The following PTPRD variants were observed in gnomAD, a reference collection of about 807,000 sequenced individuals.
The protein encoded by PTPRD is protein tyrosine phosphatase receptor type D.
PTPRD carries 34 observed loss-of-function variants against 214.5 expected under a neutral mutation model. The observed-to-expected ratio is 0.16, with a 90% confidence interval of 0.12 to 0.21. The LOEUF (loss-of-function observed/expected upper bound fraction) is 0.21. Among genes scored for constraint, PTPRD ranks in the 10% least tolerant of loss-of-function variants. The pLI is 1.00. For missense variants in PTPRD, 2,545 were observed against 2,398.7 expected, an observed-to-expected ratio of 1.06 and a Z score of -1.27; for synonymous variants, 1,128 against 845.7, an observed-to-expected ratio of 1.33 and a Z score of -5.79.
intron 5 of PTPRD, among the ~76,000 whole-genome samples, chr9:9,862,732 G>A (rs182492559): frequency 1.5e-4 from 22 of 150,654 alleles, no homozygotes; most frequent in East Asian, 1.2e-3. Flanking sequence ...TGGGGGGCGG[G>A]GGGGGGAGTA....
chr9:10,151,160 A>G (rs377422141), intron 3 of PTPRD, among the ~76,000 whole-genome samples: 1 of 147,560 alleles, frequency 6.8e-6, no homozygotes, highest in Non-Finnish European at 1.5e-5. Context: ...TCTGGAGTTC[A>G]AGCGATTCTC....
intron 5 of PTPRD, among the ~76,000 whole-genome samples, chr9:9,808,327 C>T (rs2046076738): frequency 6.6e-6 from 1 of 152,160 alleles, no homozygotes; most frequent in Non-Finnish European, 1.5e-5. Flanking sequence ...TCTTGCCCAC[C>T]TCCACCTGAA....
intron 7 of PTPRD, among the ~76,000 whole-genome samples, chr9:9,701,985 G>A (rs896566899): frequency 1.3e-5 from 2 of 152,016 alleles, no homozygotes; most frequent in South Asian, 2.1e-4. Context: ...CAGGCATGGT[G>A]GTGCATGCCT....
chr9:10,179,678 A>T (rs2099270512), intron 3 of PTPRD, among the ~76,000 whole-genome samples: 1 of 152,030 alleles, frequency 6.6e-6, no homozygotes, highest in African/African-American at 2.4e-5. Context: ...TCACCCATTC[A>T]ATCCTCACTA....
chr9:10,074,604 T>C (rs927172466), intron 3 of PTPRD, among the ~76,000 whole-genome samples: 3 of 152,156 alleles, frequency 2.0e-5, no homozygotes, highest in African/African-American at 7.2e-5. Context: ...TGATGCTTTC[T>C]CTGATCCCAC....
intron 33 of PTPRD, among the ~76,000 whole-genome samples, chr9:8,459,374 G>A (rs1479039917): frequency 6.6e-6 from 1 of 151,698 alleles, no homozygotes; most frequent in Admixed American, 6.6e-5. Flanking sequence ...CACACCACAA[G>A]GAAAACGAGA....
At chr9:9,169,159 G>A (rs2099909711) in intron 10 of PTPRD, among the ~76,000 whole-genome samples, 2 of 151,824 alleles carry the variant, frequency 1.3e-5, no homozygotes, top group Non-Finnish European at 2.9e-5. Context: ...ATCTTATAGA[G>A]CCTCTTTTTG....
At chr9:9,989,887 C>T (rs2095853731) in intron 4 of PTPRD, among the ~76,000 whole-genome samples, 1 of 152,170 alleles carries the variant, frequency 6.6e-6, no homozygotes, top group South Asian at 2.1e-4. Flanking sequence ...GCTCCCTGCA[C>T]CCTCCCCGCT....
intron 7 of PTPRD, among the ~76,000 whole-genome samples, chr9:9,634,740 T>TTG (rs1245157854): frequency 2.6e-5 from 4 of 152,198 alleles, no homozygotes; most frequent in African/African-American, 9.6e-5. Flanking sequence ...TTTCTGTGCA[T>TTG]ACTACGTATA....
At chr9:10,142,159 A>G (rs2098990343) in intron 3 of PTPRD, among the ~76,000 whole-genome samples, 2 of 152,022 alleles carry the variant, frequency 1.3e-5, no homozygotes, top group South Asian at 4.1e-4. Flanking sequence ...TAGACCTAAA[A>G]CCATAAAAAC....
chr9:8,613,944 C>G (rs1363014244), intron 14 of PTPRD, among the ~76,000 whole-genome samples: 6 of 151,574 alleles, frequency 4.0e-5, no homozygotes, highest in African/African-American at 1.4e-4. Context: ...TATCGCTATT[C>G]TTGCAGTTTT....
chr9:9,581,394 C>G (rs1430811316), intron 7 of PTPRD, among the ~76,000 whole-genome samples: 1 of 152,028 alleles, frequency 6.6e-6, no homozygotes, highest in African/African-American at 2.4e-5. Flanking sequence ...ACCAGATAAC[C>G]TTCTATCCAT....
intron 3 of PTPRD, among the ~76,000 whole-genome samples, chr9:10,187,925 A>G (rs1207347532): frequency 6.6e-6 from 1 of 152,166 alleles, no homozygotes; most frequent in Non-Finnish European, 1.5e-5. Context: ...TCCACTTGTC[A>G]AAAATTGGCA....
At chr9:10,364,015 T>TTTTTTTTTGAGATGGAGTC (rs1432443643) in intron 2 of PTPRD, among the ~76,000 whole-genome samples, 2 of 142,314 alleles carry the variant, frequency 1.4e-5, no homozygotes, top group Admixed American at 7.1e-5. Flanking sequence ...TTTTTTTTTT[T>TTTTTTTTTGAGATGGAGTC]TTGAGATGGA....
chr9:10,099,675 T>C (rs2154211786), intron 3 of PTPRD, among the ~76,000 whole-genome samples: 1 of 151,884 alleles, frequency 6.6e-6, no homozygotes, highest in Middle Eastern at 3.4e-3. Context: ...CAAGTTAAAA[T>C]GATCTCACAG....
chr9:10,111,481 G>A (rs569243422), intron 3 of PTPRD, among the ~76,000 whole-genome samples: 2 of 151,600 alleles, frequency 1.3e-5, no homozygotes, highest in Admixed American at 6.6e-5. Context: ...CTCGTGATCC[G>A]CCCGCCTCGG....
chr9:9,682,038 C>T (rs1337216379), intron 7 of PTPRD, among the ~76,000 whole-genome samples: 3 of 151,948 alleles, frequency 2.0e-5, no homozygotes, highest in African/African-American at 4.8e-5. Context: ...ATGAGCCTGA[C>T]AATCTCGTTA....
intron 35 of PTPRD, among the ~76,000 whole-genome samples, chr9:8,431,746 C>T (rs1417237040): frequency 1.3e-5 from 2 of 152,200 alleles, no homozygotes; most frequent in East Asian, 3.9e-4. Context: ...GATACCACAG[C>T]TGACCTATTA....
intron 7 of PTPRD, among the ~76,000 whole-genome samples, chr9:9,577,273 G>C (rs2089194301): frequency 6.6e-6 from 1 of 152,086 alleles, no homozygotes; most frequent in East Asian, 1.9e-4. Flanking sequence ...ATTTAAAAAG[G>C]AAAGCATTGG....
Sources: allele counts gnomAD v4.1 joint callset (sites outside exome capture counted in the v4.1 genomes callset), GRCh38; gene constraint gnomAD v4.1.1; transcripts MANE v1.5; gene names NCBI Gene and HGNC (gene_info 2026-07-23, HGNC 2026-07-21).